Variants in TMC4 observed in about 807,000 individuals in gnomAD.
TMC4 encodes the protein voltage-gated chloride channel TMC4.
In TMC4, 70 loss-of-function variants were observed where a neutral mutation model predicts 82.0. That is an observed-to-expected ratio of 0.85 (90% CI 0.70 to 1.04). The LOEUF (loss-of-function observed/expected upper bound fraction) is 1.04, where lower values mean the gene tolerates loss of function less well. TMC4 is among the 50% of genes least tolerant of loss of function. The pLI, the probability that TMC4 is intolerant of heterozygous loss-of-function variation, is 0.00. For synonymous variants in TMC4, 446 were observed against 406.0 expected, an observed-to-expected ratio of 1.10 and a Z score of -1.18; for missense variants, 879 against 899.0, an observed-to-expected ratio of 0.98 and a Z score of 0.28.
At position 54,165,478 on chromosome 19, in the gene TMC4, C is replaced by T. The variant is rs777743682; in HGVS notation, c.886G>A (p.Gly296Ser). The change falls in exon 6 of 15, where the codon GGT becomes AGT. Residue 296 changes from glycine to serine, a missense_variant. By Grantham distance (56) the Gly-to-Ser change is moderately conservative. Transcript: ENST00000619895. Reference sequence around the variant, plus strand: ...CGCACGTGGACGTCCCCGCAGAGACCGAAGTCCCAGGCCGAGAACACCCGG... The same window carrying T: ...CGCACGTGGACGTCCCCGCAGAGACTGAAGTCCCAGGCCGAGAACACCCGG... Reference protein sequence around the residue: ...SHRVFSAWDFGLCGDVHVRLR... With the variant: ...SHRVFSAWDFSLCGDVHVRLR... 59 of 1,612,918 alleles carry T rather than the reference C, an allele frequency of 3.7e-5. No homozygotes were observed. The highest frequency in any genetic ancestry group is 4.8e-5 in the Non-Finnish European group (57 of 1,179,540).
At chr19:54,171,050 C>CAT (rs1182973382) in intron 2 of TMC4, among the ~76,000 whole-genome samples, 12 of 120,562 alleles carry the variant, frequency 1.0e-4, no homozygotes, top group Non-Finnish European at 2.2e-4. Context: ...TTGTTTTTTC[C>CAT]ATATATATAC....
intron 2 of TMC4, among the ~76,000 whole-genome samples, chr19:54,170,551 A>C (rs2075857686): frequency 6.6e-6 from 1 of 152,108 alleles, no homozygotes; most frequent in African/African-American, 2.4e-5. Flanking sequence ...TAGATGCCCA[A>C]ATTCCTTATA....
At chr19:54,162,386 TGGTGGGGGG>T in intron 10 of TMC4, 101 bp from the exon 11 acceptor site, 1 of 350,858 alleles carries the variant, frequency 2.9e-6, no homozygotes, top group South Asian at 3.2e-5. Context: ...TGCGTATTGG[TGGTGGGGGG>T]GGGGGGGGCG....
intron 7 of TMC4, among the ~76,000 whole-genome samples, chr19:54,164,187 C>T (rs570189297): frequency 2.0e-5 from 3 of 151,972 alleles, no homozygotes; most frequent in Admixed American, 6.6e-5. Flanking sequence ...GTTGGTCAGG[C>T]TGGTCTGGAA....
chr19:54,172,113 C>T (rs756576569), intron 1 of TMC4, 30 bp from the exon 2 acceptor site: 85 of 1,498,484 alleles, frequency 5.7e-5, no homozygotes, highest in Middle Eastern at 1.8e-4. Flanking sequence ...TGGGAAGACC[C>T]GGGAGTCTGG....
chr19:54,164,340 G>T, intron 7 of TMC4, 94 bp downstream of exon 7: 1 of 1,444,258 alleles, frequency 6.9e-7, no homozygotes. Context: ...TCCTCTCTAA[G>T]ATCTCTGGCA....
chr19:54,169,502 C>T lies in TMC4; in HGVS notation c.442+10G>A. 1 of 1,610,138 alleles carries T rather than the reference C, an allele frequency of 6.2e-7. No homozygotes were observed. Among genetic ancestry groups the T allele is most frequent in the Non-Finnish European group, 8.5e-7 (1 of 1,178,940 alleles). On this transcript the variant is annotated intron_variant, in intron 3 of 14. Transcript: ENST00000619895. ...CCTGCCCCCAGGACACCACCCAAAC[C>T]CCACCGCACCCCCGATCCTCTTCAG...
chr19:54,166,342 A>C (rs7257868), intron 5 of TMC4, among the ~76,000 whole-genome samples: 35,270 of 137,722 alleles, frequency 0.26, 4,999 homozygotes, highest in Non-Finnish European at 0.34. Flanking sequence ...AAAAAAAAAA[A>C]AAAAGACCCA....
At position 54,167,204 on chromosome 19, in the gene TMC4, C is replaced by T. The variant is rs527657535; in HGVS notation, c.797+967G>A. 3.9e-5 allele frequency among the ~76,000 whole-genome samples: 6 copies of T among 152,066 alleles called. No homozygotes were observed. The South Asian group carries it at 6.2e-4, about 16-fold the overall frequency. On this transcript the variant is annotated intron_variant, in intron 5 of 14. Transcript: ENST00000619895. ...GTTGAGTTCCGGAGGCCCAGGCTTC[C>T]GGTGAGCTATGATTGCACCACTGCA...
rs1173215101 is a variant in TMC4, at chr19:54,160,181, T to C, written c.*125A>G. 1.8e-6 allele frequency: 2 copies of C among 1,110,290 alleles called. No individual in the cohort carries two copies. Among genetic ancestry groups the C allele is most frequent in the Non-Finnish European group, 2.5e-6 (2 of 802,534 alleles). 68.8% of individuals were successfully genotyped at this position (1,110,290 alleles called of 1,614,324 possible). ...TCAGGGACGTGGCGGCGAGGGGCCC[T>C]GGAAATCTCCAGATACCAAAGCTGG... On this transcript the variant is annotated 3_prime_UTR_variant, in exon 15 of 15. Coordinates refer to ENST00000619895, the MANE Select transcript of TMC4 (RefSeq NM_144686.4).
chr19:54,168,381 G>A (rs1019440231), intron 4 of TMC4, 67 bp downstream of exon 4: 28 of 1,518,158 alleles, frequency 1.8e-5, no homozygotes, highest in Non-Finnish European at 2.2e-5. Context: ...AGGGTTTGAG[G>A]TTCGTGTCAT....
chr19:54,172,844 G>T, intron 1 of TMC4, 195 bp downstream of exon 1: 1 of 562,908 alleles, frequency 1.8e-6, no homozygotes. Flanking sequence ...AGACTAGCCT[G>T]GTTCTCCAGG....
At chr19:54,165,770 C>T (rs969135130) in intron 5 of TMC4, among the ~76,000 whole-genome samples, 1 of 152,012 alleles carries the variant, frequency 6.6e-6, no homozygotes, top group Non-Finnish European at 1.5e-5. Context: ...GATTCAGAGA[C>T]AGTTCTGGGG....
chr19:54,162,389 T>TGGGGGGGGGGGGG (rs779701144), intron 10 of TMC4, 104 bp from the exon 11 acceptor site: 5 of 255,570 alleles, frequency 2.0e-5, no homozygotes, highest in African/African-American at 1.4e-4. Flanking sequence ...GTATTGGTGG[T>TGGGGGGGGGGGGG]GGGGGGGGGG....
rs1055160044 is a variant in TMC4, at chr19:54,164,613, A to G, written c.946-12T>C. On this transcript the variant is annotated splice_polypyrimidine_tract_variant and intron_variant, in intron 6 of 14. Coordinates refer to ENST00000619895, the MANE Select transcript of TMC4 (RefSeq NM_144686.4). ...TCCTCCAGCTCCACCTGAAGGCAGG[A>G]GAGATGCCCGCTTGGACTCCATTTC... 2 of 1,612,030 alleles carry G rather than the reference A, an allele frequency of 1.2e-6. No homozygotes were observed. Among genetic ancestry groups the G allele is most frequent in the Non-Finnish European group, 1.7e-6 (2 of 1,179,888 alleles).
In TMC4 at chr19:54,165,561, A is replaced by G; in HGVS notation, c.803T>C (p.Val268Ala). 6.2e-7 allele frequency: 1 copy of G among 1,601,366 alleles called. No homozygotes were observed. The highest frequency in any genetic ancestry group is 1.3e-5 in the African/African-American group (1 of 74,880). ...ICLLLILHRS[V>A]SGLKQTLLAE... ...CAGCAGTGTCTGCTTCAGCCCAGAC[A>G]CCGAGCTGAGAGGGGAGACCCGGGA... The change falls in exon 6 of 15, where the codon GTG becomes GCG. Residue 268 changes from valine to alanine, a missense_variant. By Grantham distance (64) the Val-to-Ala change is moderately conservative (BLOSUM62 0). Coordinates refer to ENST00000619895, the MANE Select transcript of TMC4 (RefSeq NM_144686.4).
At chr19:54,169,435 T>G (rs1600588205) in intron 3 of TMC4, 77 bp downstream of exon 3, 13 of 1,442,272 alleles carry the variant, frequency 9.0e-6, no homozygotes, top group South Asian at 5.9e-5. Flanking sequence ...AACCCAGGAG[T>G]CCGTCCCCAG....
chr19:54,160,819 G>T (rs896714041), intron 13 of TMC4, 59 bp downstream of exon 13: 1 of 1,590,942 alleles, frequency 6.3e-7, no homozygotes, highest in African/African-American at 1.4e-5. Flanking sequence ...TTGGACGCAG[G>T]TGGTGGCCCC....
Position 54,161,227 on chromosome 19 carries a change from G to T in TMC4, c.1720C>A (p.Arg574Ser). The change falls in exon 12 of 15, where the codon CGC becomes AGC. Residue 574 changes from arginine to serine, a missense_variant. By Grantham distance (110) the Arg-to-Ser change is moderately radical (BLOSUM62 -1). Coordinates refer to ENST00000619895, the MANE Select transcript of TMC4 (RefSeq NM_144686.4). The part of the protein sequence containing the change: ...TLFSTCSPAA[R>S]TFRASAANFF... ...TTCGCCGCGGAGGCCCGGAAGGTGC[G>T]GGCAGCCGGGGAGCAGGTGGAGAAG... 1 of 1,571,894 alleles carries T rather than the reference G, an allele frequency of 6.4e-7. No individual in the cohort carries two copies. Among genetic ancestry groups the T allele is most frequent in the Non-Finnish European group, 8.6e-7 (1 of 1,160,358 alleles).
Sources: allele counts gnomAD v4.1 joint callset (sites outside exome capture counted in the v4.1 genomes callset), GRCh38; gene constraint gnomAD v4.1.1; transcripts MANE v1.5; gene names NCBI Gene and HGNC (gene_info 2026-07-23, HGNC 2026-07-21).